RPS6KA1: variants seen among roughly 807,000 people sequenced by gnomAD.
RPS6KA1 encodes the protein ribosomal protein S6 kinase alpha-1.
RPS6KA1 carries 48 observed loss-of-function variants against 91.3 expected under a neutral mutation model. That is an observed-to-expected ratio of 0.53 (90% CI 0.42 to 0.67). The LOEUF (loss-of-function observed/expected upper bound fraction) is 0.67. Among genes scored for constraint, RPS6KA1 ranks in the 30% least tolerant of loss-of-function variants. The probability of loss-of-function intolerance (pLI) is 0.00; values close to 1 mark genes in which losing one functional copy is unlikely to be tolerated. For synonymous variants in RPS6KA1, 359 were observed against 384.7 expected (o/e 0.93, Z 0.78); for missense variants, 719 against 960.5 (o/e 0.75, Z 3.32).
chr1:26,550,677 C>T (rs1357278331), intron 4 of RPS6KA1, among the ~76,000 whole-genome samples: 4 of 152,034 alleles, frequency 2.6e-5, no homozygotes, highest in Non-Finnish European at 5.9e-5. Context: ...TGGTGGGCTT[C>T]AATAAATTTA....
intron 17 of RPS6KA1, among the ~76,000 whole-genome samples, chr1:26,562,576 T>G (rs933452670): frequency 4.6e-5 from 7 of 152,196 alleles, no homozygotes; most frequent in Non-Finnish European, 1.0e-4. Flanking sequence ...CCTTTATTAC[T>G]GCACAAGGCA....
In RPS6KA1 at chr1:26,558,328, A is replaced by C. The variant is rs1268128679; in HGVS notation, c.1085-479A>C. Reference sequence around the variant, plus strand: ...CCCCTCTAAGGATCTGAGAAGTCCAACATGGCTCAGCTGTGGTATGGAGAG... The same window carrying C: ...CCCCTCTAAGGATCTGAGAAGTCCACCATGGCTCAGCTGTGGTATGGAGAG... On this transcript the variant is annotated intron_variant, in intron 13 of 21. Coordinates refer to ENST00000374168, the MANE Select transcript of RPS6KA1 (RefSeq NM_002953.4). This position sits in a 1 kb window ranked among gnomAD's most constrained non-coding sequence, Gnocchi z 4.0. Among the ~76,000 whole-genome samples, 1 of 152,206 alleles carries C rather than the reference A, an allele frequency of 6.6e-6. No individual in the cohort carries two copies. Among genetic ancestry groups the C allele is most frequent in the African/African-American group, 2.4e-5 (1 of 41,460 alleles).
At chr1:26,560,172 C>G (rs74062513) in intron 14 of RPS6KA1, among the ~76,000 whole-genome samples, 1 of 152,234 alleles carries the variant, frequency 6.6e-6, no homozygotes, top group African/African-American at 2.4e-5. Context: ...ATGCAAGGAC[C>G]GCATGCGCAA....
At chr1:26,563,028 G>A (rs1415135955) in intron 17 of RPS6KA1, among the ~76,000 whole-genome samples, 1 of 151,770 alleles carries the variant, frequency 6.6e-6, no homozygotes, top group Non-Finnish European at 1.5e-5. Flanking sequence ...TAGTAGAGAT[G>A]GGGTTTCACC....
chr1:26,534,857 A>T (rs906400179), intron 1 of RPS6KA1, among the ~76,000 whole-genome samples: 1 of 152,168 alleles, frequency 6.6e-6, no homozygotes, highest in Non-Finnish European at 1.5e-5. Flanking sequence ...GATGGCCTTG[A>T]TTTCTATGCT....
rs2076081072 is a variant in RPS6KA1, at chr1:26,554,486, T to A, written c.614-110T>A. On this transcript the variant is annotated intron_variant, in intron 8 of 21. Coordinates refer to ENST00000374168, the MANE Select transcript of RPS6KA1 (RefSeq NM_002953.4). This position sits in a 1 kb window ranked among gnomAD's most constrained non-coding sequence, Gnocchi z 4.6. ...CTGGGCCTTAGCTTCCTCCTGAGTG[T>A]CATGGGGGTGATGCCTTCTGGCCTC... is the stretch of plus-strand genomic sequence containing the variant. The A allele has an allele frequency of 7.1e-7, 1 of 1,413,032 alleles. No homozygotes were observed. Among genetic ancestry groups the A allele is most frequent in the Admixed American group, 2.1e-5 (1 of 48,006 alleles). 87.5% of individuals were successfully genotyped at this position (1,413,032 alleles called of 1,614,324 possible). A position where few individuals can be genotyped will look rare whatever the true frequency, so the allele number is the denominator to read the frequency against.
intron 2 of RPS6KA1, chr1:26,545,705 AG>A: frequency 1.4e-6 from 1 of 729,782 alleles, no homozygotes. Flanking sequence ...CTCTGAGGAG[AG>A]GGGGAGAGAG....
chr1:26,571,540 C>T lies in RPS6KA1; in HGVS notation c.1682C>T (p.Ala561Val). 1 of 1,614,206 alleles carries T rather than the reference C, an allele frequency of 6.2e-7. No individual in the cohort carries two copies. The highest frequency in any genetic ancestry group is 8.5e-7 in the Non-Finnish European group (1 of 1,180,032). The change falls in exon 18 of 22, where the codon GCC becomes GTC. Residue 561 changes from alanine to valine, a missense_variant. Coordinates refer to ENST00000374168, the MANE Select transcript of RPS6KA1 (RefSeq NM_002953.4). This position sits in a 1 kb window ranked among gnomAD's most constrained non-coding sequence, Gnocchi z 5.1. ...CTGCGCATCTGTGACTTTGGTTTTG[C>T]CAAACAGCTGCGGGCTGAGAATGGG... is the stretch of plus-strand genomic sequence containing the variant. ...ECLRICDFGF[A>V]KQLRAENGLL...
intron 1 of RPS6KA1, among the ~76,000 whole-genome samples, chr1:26,534,543 C>G (rs149781133): frequency 6.6e-6 from 1 of 152,266 alleles, no homozygotes; most frequent in East Asian, 1.9e-4. Flanking sequence ...ATAAAATAGA[C>G]TGTTTTCAGG....
chr1:26,555,153 T>A lies in RPS6KA1; in HGVS notation c.759T>A (p.Phe253Leu). 1.2e-6 allele frequency: 2 copies of A among 1,611,824 alleles called. No individual in the cohort carries two copies. The highest frequency in any genetic ancestry group is 1.7e-6 in the Non-Finnish European group (2 of 1,177,938). ...ADWWSYGVLM[F>L]EMLTGSLPFQ... is the part of the protein sequence containing the mutation. The stretch of plus-strand genomic sequence containing the variant: ...GAATAGATCCTTGTCCTCTGCAGTT[T>A]GAGATGCTGACGGGCTCCCTGCCCT... Residue 253 changes from phenylalanine (F) to leucine (L), a missense_variant and splice_region_variant, in exon 10 of 22, where the codon TTT becomes TTA. By Grantham distance (22) the Phe-to-Leu change is conservative. Around this residue, in one of 5 missense-constraint regions of RPS6KA1, gnomAD observed 228 missense variants for 247.6 expected, o/e 0.92. Transcript: ENST00000374168. The surrounding 1 kb of genome is among the most constrained non-coding windows in gnomAD (Gnocchi z 4.3).
At position 26,530,736 on chromosome 1, in the gene RPS6KA1, C is replaced by T. The variant is rs988599415; in HGVS notation, c.63+753C>T. 3.1e-6 allele frequency: 4 copies of T among 1,282,182 alleles called. No homozygotes were observed. In the South Asian group the frequency reaches 3.7e-5, roughly 12 times the overall value. The allele number at this position is 1,282,182 out of a possible 1,614,324, so 79.4% of individuals were successfully genotyped here. On this transcript the variant is annotated intron_variant, in intron 1 of 21. Transcript: ENST00000374168. The stretch of plus-strand genomic sequence containing the variant: ...GACTCCCCAGACAACCCAGCTCCTT[C>T]TCTCTCAGAAGCAGCTCCTGACCTC...
At chr1:26,534,136 G>A (rs977783709) in intron 1 of RPS6KA1, among the ~76,000 whole-genome samples, 6 of 152,306 alleles carry the variant, frequency 3.9e-5, no homozygotes, top group African/African-American at 9.6e-5. Flanking sequence ...TTGCAGCCAC[G>A]TGACTTTGGG....
rs1174517988 is a variant in RPS6KA1, at chr1:26,551,034, G to A, written c.308-363G>A. 6.6e-6 allele frequency among the ~76,000 whole-genome samples: 1 copy of A among 152,136 alleles called. No individual in the cohort carries two copies. Among genetic ancestry groups the A allele is most frequent in the South Asian group, 2.1e-4 (1 of 4,830 alleles). The stretch of plus-strand genomic sequence containing the variant: ...TGGTGAAGGCATGCCAGGGGGAGGT[G>A]CAGAGGCAAAGTCTGAGGATCTGAC... On this transcript the variant is annotated intron_variant, in intron 4 of 21. Coordinates refer to ENST00000374168, the MANE Select transcript of RPS6KA1 (RefSeq NM_002953.4). This position sits in a 1 kb window ranked among gnomAD's most constrained non-coding sequence, Gnocchi z 4.5.
intron 14 of RPS6KA1, 67 bp from the exon 15 acceptor site, chr1:26,560,659 A>G (rs34062688): frequency 0.31 from 497,853 of 1,601,696 alleles, 87,198 homozygotes; most frequent in East Asian, 0.75. Context: ...CCAAGACCTT[A>G]GGTCCTGGGG....
At position 26,574,045 on chromosome 1, in the gene RPS6KA1, C is replaced by T. The variant is rs2076274446; in HGVS notation, c.2086-34C>T. 3.1e-6 allele frequency: 5 copies of T among 1,602,952 alleles called. No homozygotes were observed. The South Asian group carries it at 5.5e-5, about 18-fold the overall frequency. ...GATCCCCTCCCCGCTACATCTCCCA[C>T]CATTGTGACCTGACCTCCCCACTTC... On this transcript the variant is annotated intron_variant, in intron 21 of 21. Transcript: ENST00000374168. This position sits in a 1 kb window ranked among gnomAD's most constrained non-coding sequence, Gnocchi z 4.3.
intron 14 of RPS6KA1, among the ~76,000 whole-genome samples, chr1:26,559,390 G>A (rs1157826071): frequency 4.6e-5 from 7 of 151,990 alleles, no homozygotes; most frequent in Non-Finnish European, 8.8e-5. Context: ...TTTTTGAGAC[G>A]TAGTCTTGCT....
intron 11 of RPS6KA1, 152 bp from the exon 12 acceptor site, chr1:26,556,502 G>C (rs749052432): frequency 8.1e-6 from 6 of 736,866 alleles, no homozygotes; most frequent in Admixed American, 2.2e-5. Context: ...CAGGCCTTAG[G>C]GTGATGGCTG....
At chr1:26,564,749 C>A (rs1016091287) in intron 17 of RPS6KA1, among the ~76,000 whole-genome samples, 3 of 150,502 alleles carry the variant, frequency 2.0e-5, no homozygotes, top group African/African-American at 7.3e-5. Context: ...TACCTCTTAA[C>A]CAAAGCTCCA....
At chr1:26,546,111 A>C in intron 2 of RPS6KA1, 14 of 1,523,366 alleles carry the variant, frequency 9.2e-6, no homozygotes, top group Non-Finnish European at 1.2e-5. Context: ...AGCTTAACAT[A>C]AGCTGGCTTT....
Sources: allele counts gnomAD v4.1 joint callset (sites outside exome capture counted in the v4.1 genomes callset), GRCh38; gene constraint gnomAD v4.1.1; regional missense constraint gnomAD v4.1.1; non-coding constraint Gnocchi (gnomAD v3.1); transcripts MANE v1.5; gene names NCBI Gene and HGNC (gene_info 2026-07-23, HGNC 2026-07-21).